The following TAF3 variants were observed in gnomAD, a reference collection of about 807,000 sequenced individuals.
TAF3 encodes transcription initiation factor TFIID subunit 3.
TAF3 carries 7 observed loss-of-function variants against 80.6 expected under a neutral mutation model. The observed-to-expected ratio is 0.09, with a 90% CI of 0.05 to 0.16. The LOEUF (loss-of-function observed/expected upper bound fraction) is 0.16. Ranked by LOEUF, TAF3 falls within the 10% of genes least tolerant of loss-of-function variation. TAF3 has a pLI of 1.00. For synonymous variants in TAF3, 444 were observed against 446.1 expected, an observed-to-expected ratio of 1.00 and a Z score of 0.06; for missense variants, 921 against 1,140.2, an observed-to-expected ratio of 0.81 and a Z score of 2.77.
At chr10:7,904,209 A>T (rs960131819) in intron 2 of TAF3, among the ~76,000 whole-genome samples, 2 of 152,170 alleles carry the variant, frequency 1.3e-5, no homozygotes, top group African/African-American at 4.8e-5. Flanking sequence ...GCAGTGGGTT[A>T]TCTCAAATAG....
chr10:7,850,198 A>G (rs1564347389), intron 2 of TAF3, among the ~76,000 whole-genome samples: 1 of 152,108 alleles, frequency 6.6e-6, no homozygotes, highest in East Asian at 1.9e-4. Flanking sequence ...TTAAATCTTT[A>G]CTATGTTTTA....
intron 4 of TAF3, among the ~76,000 whole-genome samples, chr10:7,993,165 C>G (rs1178260677): frequency 6.6e-6 from 1 of 152,174 alleles, no homozygotes; most frequent in Non-Finnish European, 1.5e-5. Context: ...AATCCACACT[C>G]CTACGCTCCT....
At position 7,866,813 on chromosome 10, in the gene TAF3, C is replaced by G. The variant is rs138436490; in HGVS notation, c.409+42253C>G. ...GTTGGACGCATCAGGTTAAATAAAG[C>G]TTAGGTTGAAAACAAAGAGAAGTGG... is the stretch of plus-strand genomic sequence containing the variant. On this transcript the variant is annotated intron_variant, in intron 2 of 6. Coordinates refer to ENST00000344293, the MANE Select transcript of TAF3 (RefSeq NM_031923.4). 3.7e-3 allele frequency among the ~76,000 whole-genome samples: 562 copies of G among 152,192 alleles called. 4 individuals are homozygous for G. The highest frequency in any genetic ancestry group is 0.02 in the South Asian group (94 of 4,812).
intron 4 of TAF3, among the ~76,000 whole-genome samples, chr10:7,994,977 GAAAAAAAA>G (rs71287400): frequency 3.1e-5 from 3 of 97,662 alleles, no homozygotes; most frequent in African/African-American, 7.7e-5. Flanking sequence ...CTCAAAAAAA[GAAAAAAAA>G]AAAAAAAAAA....
chr10:7,968,139 G>A (rs796809255), intron 3 of TAF3, among the ~76,000 whole-genome samples: 6 of 152,264 alleles, frequency 3.9e-5, no homozygotes, highest in African/African-American at 1.4e-4. Context: ...TTAAACTAAA[G>A]TGAGACATAT....
intron 2 of TAF3, among the ~76,000 whole-genome samples, chr10:7,878,689 CAATGTATG>C (rs1452609386): frequency 1.4e-5 from 2 of 139,398 alleles, no homozygotes; most frequent in Non-Finnish European, 3.1e-5. Context: ...TTAATTCAAC[CAATGTATG>C]TATGTATGTA....
At chr10:7,911,894 G>T (rs942807058) in intron 2 of TAF3, among the ~76,000 whole-genome samples, 1 of 151,992 alleles carries the variant, frequency 6.6e-6, no homozygotes, top group Non-Finnish European at 1.5e-5. Context: ...GGCCTAGCTT[G>T]CTTTACTCGT....
rs1240965632 is a variant in TAF3 at position 8,009,797 on chromosome 10, A to AT, written c.2568+472dup. Among the ~76,000 whole-genome samples the AT allele has an allele frequency of 1.3e-5, 2 of 151,252 alleles. No homozygotes were observed. Among genetic ancestry groups the AT allele is most frequent in the African/African-American group, 2.4e-5 (1 of 41,098 alleles). Reference sequence around the variant, plus strand: ...CCACCACACCTGGCCAATTTTTTGTATTTTTAGTAGAAACGGTTTCACCGT... The same window carrying AT: ...CCACCACACCTGGCCAATTTTTTGTATTTTTTAGTAGAAACGGTTTCACCGT... On this transcript the variant is annotated intron_variant, in intron 5 of 6. Coordinates refer to ENST00000344293, the MANE Select transcript of TAF3 (RefSeq NM_031923.4). The surrounding 1 kb of genome is among the most constrained non-coding windows in gnomAD (Gnocchi z 4.1).
Position 7,874,375 on chromosome 10 carries a change from A to G in TAF3, c.409+49815A>G, listed in dbSNP as rs1368090902. Among the ~76,000 whole-genome samples, 3 of 152,202 alleles carry G rather than the reference A, an allele frequency of 2.0e-5. No homozygotes were observed. The East Asian group carries it at 5.8e-4, about 29-fold the overall frequency. ...ATATTACTTGAGTTTACTTGTTAAGACAATCATTTTTTGAAGTTATATATA... is the reference window on the plus strand; with the variant it reads ...ATATTACTTGAGTTTACTTGTTAAGGCAATCATTTTTTGAAGTTATATATA... On this transcript the variant is annotated intron_variant, in intron 2 of 6. Transcript: ENST00000344293.
chr10:7,852,311 T>C (rs1837036103), intron 2 of TAF3, among the ~76,000 whole-genome samples: 1 of 152,256 alleles, frequency 6.6e-6, no homozygotes, highest in African/African-American at 2.4e-5. Flanking sequence ...TCTCAAATGT[T>C]ATAAACGTTT....
Position 7,818,563 on chromosome 10 carries a change from TG to T in TAF3, c.-143del. 1.2e-6 allele frequency: 1 copy of T among 818,034 alleles called. No individual in the cohort carries two copies. The highest frequency in any genetic ancestry group is 1.8e-6 in the Non-Finnish European group (1 of 564,154). 50.7% of individuals were successfully genotyped at this position (818,034 alleles called of 1,614,324 possible). On this transcript the variant is annotated 5_prime_UTR_variant, in exon 1 of 7. The change abolishes the stop of an existing upstream ORF in the 5' untranslated region. Coordinates refer to ENST00000344293, the MANE Select transcript of TAF3 (RefSeq NM_031923.4). The stretch of plus-strand genomic sequence containing the variant: ...CTCAGGCTGGCGCGCTCCGTGCTGC[TG>T]GGGCTTTGAGGTGGTCGCCGGGGGT...
rs774882108 is a variant in TAF3, at chr10:8,009,366, C to T, written c.2568+36C>T. The T allele has an allele frequency of 4.4e-6, 7 of 1,573,164 alleles. No individual in the cohort carries two copies. In the South Asian group the frequency reaches 4.5e-5, roughly 10 times the overall value. The stretch of plus-strand genomic sequence containing the variant: ...GCCGCCCGCGCGGTTAGCATGGAGA[C>T]GTTTTCAGATCGAGACAAGTGTGTG... On this transcript the variant is annotated intron_variant, in intron 5 of 6. Coordinates refer to ENST00000344293, the MANE Select transcript of TAF3 (RefSeq NM_031923.4). The surrounding 1 kb of genome is among the most constrained non-coding windows in gnomAD (Gnocchi z 4.1).
chr10:7,872,037 G>A (rs554877475), intron 2 of TAF3, among the ~76,000 whole-genome samples: 86 of 152,164 alleles, frequency 5.7e-4, no homozygotes, highest in African/African-American at 2.0e-3. Flanking sequence ...TATTGATTTA[G>A]GTTTAAAGTG....
intron 2 of TAF3, among the ~76,000 whole-genome samples, chr10:7,958,777 A>T (rs1046399936): frequency 4.6e-5 from 7 of 152,198 alleles, no homozygotes; most frequent in African/African-American, 1.7e-4. Flanking sequence ...GGTAGGTATC[A>T]GATCATTTCT....
intron 2 of TAF3, among the ~76,000 whole-genome samples, chr10:7,912,382 G>A (rs1665676298): frequency 6.6e-6 from 1 of 152,194 alleles, no homozygotes; most frequent in South Asian, 2.1e-4. Context: ...TTGCAAGCAT[G>A]AGCCACTGAG....
At chr10:7,883,402 C>A (rs1371095184) in intron 2 of TAF3, among the ~76,000 whole-genome samples, 1 of 152,172 alleles carries the variant, frequency 6.6e-6, no homozygotes, top group African/African-American at 2.4e-5. Flanking sequence ...TCTTCTAATG[C>A]CTCATGTGAT....
chr10:7,839,650 G>A (rs190151249), intron 2 of TAF3, among the ~76,000 whole-genome samples: 3 of 152,094 alleles, frequency 2.0e-5, no homozygotes, highest in African/African-American at 2.4e-5. Context: ...GTGGCTCTTC[G>A]TTTGTTTCTT....
chr10:7,885,574 T>G (rs2131158396), intron 2 of TAF3, among the ~76,000 whole-genome samples: 1 of 152,344 alleles, frequency 6.6e-6, no homozygotes, highest in South Asian at 2.1e-4. Flanking sequence ...CTCATTAGTT[T>G]CTGCTTTATC....
At chr10:8,012,339 A>C (rs575481092) in intron 5 of TAF3, among the ~76,000 whole-genome samples, 1 of 152,202 alleles carries the variant, frequency 6.6e-6, no homozygotes, top group Non-Finnish European at 1.5e-5. Context: ...ATGCCACTTA[A>C]ATTCCCTTAG....
Sources: allele counts gnomAD v4.1 joint callset (sites outside exome capture counted in the v4.1 genomes callset), GRCh38; gene constraint gnomAD v4.1.1; non-coding constraint Gnocchi (gnomAD v3.1); transcripts MANE v1.5; gene names NCBI Gene and HGNC (gene_info 2026-07-23, HGNC 2026-07-21).